Variants in RBFOX1 observed in about 807,000 individuals in gnomAD.
The protein encoded by RBFOX1 is RNA binding fox-1 homolog 1.
A neutral mutation model predicts 57.7 loss-of-function variants in RBFOX1; 8 were observed. That is an observed-to-expected ratio of 0.14 (90% CI 0.08 to 0.25). RBFOX1 has a LOEUF of 0.25. Ranked by LOEUF, RBFOX1 falls within the 10% of genes least tolerant of loss-of-function variation. RBFOX1 has a pLI of 1.00. For synonymous variants in RBFOX1, 326 were observed against 222.4 expected (o/e 1.47, Z -4.15); for missense variants, 611 against 548.5 (o/e 1.11, Z -1.14).
intron 4 of RBFOX1, among the ~76,000 whole-genome samples, chr16:5,905,855 C>G (rs1210714587): frequency 6.6e-6 from 1 of 152,334 alleles, no homozygotes; most frequent in African/African-American, 2.4e-5. Flanking sequence ...CCCCAAATGC[C>G]TCCTCCGGAA....
At chr16:5,739,202 G>A (rs1014977260) in intron 3 of RBFOX1, among the ~76,000 whole-genome samples, 5 of 152,208 alleles carry the variant, frequency 3.3e-5, no homozygotes, top group African/African-American at 1.2e-4. Context: ...ATTCAGGCAA[G>A]GAAGGATGAA....
intron 3 of RBFOX1, among the ~76,000 whole-genome samples, chr16:5,812,361 T>G (rs1465621369): frequency 6.6e-6 from 1 of 152,212 alleles, no homozygotes; most frequent in African/African-American, 2.4e-5. Flanking sequence ...ACTTCCAAAC[T>G]GTTTTCCAGA....
At chr16:7,585,414 G>A (rs936616115) in intron 6 of RBFOX1, among the ~76,000 whole-genome samples, 3 of 152,160 alleles carry the variant, frequency 2.0e-5, no homozygotes, top group Non-Finnish European at 2.9e-5. Context: ...GTTTGTTGGC[G>A]TTTCCATTGT....
At chr16:5,500,729 G>C (rs2043165762) in intron 2 of RBFOX1, among the ~76,000 whole-genome samples, 1 of 152,180 alleles carries the variant, frequency 6.6e-6, no homozygotes, top group Admixed American at 6.5e-5. Flanking sequence ...TGTCTTATCA[G>C]CATTTCTTAG....
At chr16:7,255,562 C>G (rs1325360881) in intron 4 of RBFOX1, among the ~76,000 whole-genome samples, 2 of 152,154 alleles carry the variant, frequency 1.3e-5, no homozygotes, top group Non-Finnish European at 1.5e-5. Context: ...ACCACATTAT[C>G]TATTTTTAAA....
intron 3 of RBFOX1, among the ~76,000 whole-genome samples, chr16:6,740,697 T>A (rs1320894553): frequency 6.6e-6 from 1 of 152,188 alleles, no homozygotes; most frequent in African/African-American, 2.4e-5. Flanking sequence ...CTGAAAATTA[T>A]CAAATGCTGA....
At position 7,635,959 on chromosome 16, in the gene RBFOX1, C is replaced by T. The variant is rs555369469; in HGVS notation, c.757+5276C>T. ...CCAAGTAGCTGGGACTACAGGCGCC[C>T]GCCACCATGCCCGGCTAATTTCTTT... On this transcript the variant is annotated intron_variant, in intron 11 of 15. Coordinates refer to ENST00000550418, the MANE Select transcript of RBFOX1 (RefSeq NM_018723.4). Among the ~76,000 whole-genome samples the T allele has an allele frequency of 1.4e-4, 22 of 152,178 alleles. No homozygotes were observed. The South Asian group carries it at 3.1e-3, about 22-fold the overall frequency.
At chr16:6,916,764 C>T (rs866691368) in intron 3 of RBFOX1, among the ~76,000 whole-genome samples, 4 of 152,298 alleles carry the variant, frequency 2.6e-5, no homozygotes, top group Middle Eastern at 3.4e-3. Flanking sequence ...CTACCACCCA[C>T]TTAAACTTTT....
intron 1 of RBFOX1, among the ~76,000 whole-genome samples, chr16:5,334,272 G>A (rs1226507941): frequency 1.3e-5 from 2 of 152,192 alleles, no homozygotes; most frequent in African/African-American, 2.4e-5. Flanking sequence ...GGTTTGGAAT[G>A]TTTCTGGTCA....
chr16:6,005,071 C>T (rs1051446609), intron 4 of RBFOX1, among the ~76,000 whole-genome samples: 29 of 152,162 alleles, frequency 1.9e-4, no homozygotes, highest in African/African-American at 7.0e-4. Context: ...TAAATATTTC[C>T]TCTGTCTTTA....
chr16:7,225,495 A>C (rs12709191), intron 4 of RBFOX1, among the ~76,000 whole-genome samples: 44,557 of 151,782 alleles, frequency 0.29, 6,649 homozygotes, highest in African/African-American at 0.3. Flanking sequence ...GTATAACTGT[A>C]AGTCCATTAA....
intron 4 of RBFOX1, among the ~76,000 whole-genome samples, chr16:7,239,219 C>T (rs958541545): frequency 4.6e-5 from 7 of 152,194 alleles, no homozygotes; most frequent in African/African-American, 1.7e-4. Flanking sequence ...CCAGGATGCC[C>T]AGGAAAAGGT....
chr16:5,836,969 C>T (rs2056477598), intron 3 of RBFOX1, among the ~76,000 whole-genome samples: 1 of 152,184 alleles, frequency 6.6e-6, no homozygotes, highest in Non-Finnish European at 1.5e-5. Context: ...GAGACATGTT[C>T]CTAAGGGAAA....
At chr16:6,732,509 C>A (rs76374269) in intron 3 of RBFOX1, among the ~76,000 whole-genome samples, 1 of 152,132 alleles carries the variant, frequency 6.6e-6, no homozygotes, top group Non-Finnish European at 1.5e-5. Flanking sequence ...GGCTTAGGAT[C>A]GTAATCTAGA....
At position 6,792,747 on chromosome 16, in the gene RBFOX1, A is replaced by G. The variant is rs527976012; in HGVS notation, c.-16+138097A>G. Among the ~76,000 whole-genome samples, 9 of 152,248 alleles carry G rather than the reference A, an allele frequency of 5.9e-5. No individual in the cohort carries two copies. The South Asian group carries it at 1.2e-3, about 21-fold the overall frequency. ...CTTGAAGGGGATATAAATAGAAGTG[A>G]TGGGCCGGCATGGTGGCTCACGCCT... On this transcript the variant is annotated intron_variant, in intron 3 of 15. Transcript: ENST00000550418.
At chr16:6,311,467 G>A (rs2080304171) in intron 1 of RBFOX1, among the ~76,000 whole-genome samples, 1 of 152,152 alleles carries the variant, frequency 6.6e-6, no homozygotes, top group African/African-American at 2.4e-5. Flanking sequence ...AGGAGATGAT[G>A]TTGGAGAATC....
At chr16:6,663,011 C>T (rs1366504151) in intron 3 of RBFOX1, among the ~76,000 whole-genome samples, 1 of 152,122 alleles carries the variant, frequency 6.6e-6, no homozygotes, top group Non-Finnish European at 1.5e-5. Context: ...GGTGGGTTTG[C>T]ATTCAGGGGA....
intron 1 of RBFOX1, among the ~76,000 whole-genome samples, chr16:5,399,559 C>G (rs957713290): frequency 6.6e-6 from 1 of 151,890 alleles, no homozygotes; most frequent in Admixed American, 6.6e-5. Flanking sequence ...GGAAACATGG[C>G]AAGACCCTGC....
At chr16:7,154,368 T>A (rs1352029235) in intron 4 of RBFOX1, among the ~76,000 whole-genome samples, 6 of 152,188 alleles carry the variant, frequency 3.9e-5, no homozygotes, top group Non-Finnish European at 2.9e-5. Flanking sequence ...AAACTACCAC[T>A]GAAGAGTGTG....
Sources: gnomAD v4.1 joint callset for allele counts (sites outside exome capture counted in the v4.1 genomes callset) on GRCh38, gnomAD v4.1.1 for gene constraint, MANE v1.5 for transcripts, NCBI Gene and HGNC (gene_info 2026-07-23, HGNC 2026-07-21) for gene names.